ASTN2: variants seen among roughly 807,000 people sequenced by gnomAD.
The protein encoded by ASTN2 is astrotactin-2.
In ASTN2, 54 loss-of-function variants were observed where a neutral mutation model predicts 139.8. The ratio of observed to expected loss-of-function variants is 0.39; its 90% CI spans 0.31 to 0.48. ASTN2 has a LOEUF of 0.48. Among genes scored for constraint, ASTN2 ranks in the 20% least tolerant of loss-of-function variants. ASTN2 has a pLI of 0.95. For synonymous variants in ASTN2, 756 were observed against 719.5 expected (o/e 1.05, Z -0.81); for missense variants, 1,565 against 1,725.1 (o/e 0.91, Z 1.64).
chr9:116,618,566 A>G (rs1769124793), intron 18 of ASTN2, 94 bp from the exon 19 acceptor site: 2 of 1,400,004 alleles, frequency 1.4e-6, no homozygotes, highest in Non-Finnish European at 1.9e-6. Context: ...CATAGGTTTC[A>G]GTCTGAATTT....
intron 20 of ASTN2, among the ~76,000 whole-genome samples, chr9:116,471,007 C>T (rs1848795098): frequency 6.6e-6 from 1 of 152,120 alleles, no homozygotes; most frequent in Non-Finnish European, 1.5e-5. Context: ...AATGAAAAAT[C>T]TCTGGGGTTT....
chr9:117,355,569 G>A (rs1829518065), intron 1 of ASTN2, among the ~76,000 whole-genome samples: 1 of 152,152 alleles, frequency 6.6e-6, no homozygotes, highest in African/African-American at 2.4e-5. Flanking sequence ...AAGGCAGAAG[G>A]TGGGAGTGGA....
chr9:116,712,714 G>T (rs1051470659), intron 16 of ASTN2, among the ~76,000 whole-genome samples: 1 of 152,172 alleles, frequency 6.6e-6, no homozygotes, highest in Non-Finnish European at 1.5e-5. Flanking sequence ...TAAAATAATT[G>T]AAAGTTGCGT....
chr9:116,913,471 T>C (rs1012140695), intron 10 of ASTN2, among the ~76,000 whole-genome samples: 1 of 152,180 alleles, frequency 6.6e-6, no homozygotes, highest in African/African-American at 2.4e-5. Flanking sequence ...CTGATTCCCA[T>C]GAAACCCCGC....
intron 10 of ASTN2, among the ~76,000 whole-genome samples, chr9:116,945,074 T>C (rs1462812917): frequency 6.6e-6 from 1 of 152,122 alleles, no homozygotes; most frequent in Non-Finnish European, 1.5e-5. Flanking sequence ...TCAAAATGAC[T>C]CCGTTCAAGG....
At chr9:117,394,525 T>A (rs1419081699) in intron 1 of ASTN2, among the ~76,000 whole-genome samples, 1 of 151,990 alleles carries the variant, frequency 6.6e-6, no homozygotes, top group Non-Finnish European at 1.5e-5. Context: ...GTGTCCTGAA[T>A]AAAGTTAATC....
intron 16 of ASTN2, among the ~76,000 whole-genome samples, chr9:116,677,838 T>G (rs1004822855): frequency 6.6e-6 from 1 of 152,216 alleles, no homozygotes; most frequent in Non-Finnish European, 1.5e-5. Context: ...AAAGGCATGC[T>G]TTCCTGGCCC....
chr9:116,907,279 T>G (rs1834187753), intron 10 of ASTN2, among the ~76,000 whole-genome samples: 5 of 152,188 alleles, frequency 3.3e-5, no homozygotes, highest in Admixed American at 3.3e-4. Context: ...CAGAGCTGGG[T>G]AGTGAATTTC....
chr9:116,901,626 G>T (rs539502848), intron 10 of ASTN2, among the ~76,000 whole-genome samples: 1 of 152,272 alleles, frequency 6.6e-6, no homozygotes, highest in South Asian at 2.1e-4. Flanking sequence ...CAATTAATGT[G>T]CAGTATATAA....
At chr9:116,857,425 C>T (rs2132331719) in intron 11 of ASTN2, among the ~76,000 whole-genome samples, 1 of 152,320 alleles carries the variant, frequency 6.6e-6, no homozygotes, top group Non-Finnish European at 1.5e-5. Flanking sequence ...CTGCTGAAGT[C>T]TGTCTTGTCT....
At chr9:116,475,175 C>T (rs1442427800) in intron 20 of ASTN2, among the ~76,000 whole-genome samples, 1 of 152,184 alleles carries the variant, frequency 6.6e-6, no homozygotes, top group Admixed American at 6.5e-5. Context: ...GGAGGTTTCA[C>T]ATAAACATCT....
chr9:116,820,881 T>C (rs1831467354), intron 11 of ASTN2, 98 bp from the exon 12 acceptor site: 3 of 1,271,416 alleles, frequency 2.4e-6, no homozygotes, highest in South Asian at 1.6e-5. Flanking sequence ...TGTCAGGGCC[T>C]GACAGAAAGG....
At chr9:116,961,405 A>C (rs1344656730) in intron 10 of ASTN2, among the ~76,000 whole-genome samples, 1 of 152,004 alleles carries the variant, frequency 6.6e-6, no homozygotes, top group African/African-American at 2.4e-5. Flanking sequence ...CGCAACCACT[A>C]TTCTACTTTC....
At chr9:117,090,977 C>T (rs1251448737) in intron 5 of ASTN2, among the ~76,000 whole-genome samples, 2 of 152,226 alleles carry the variant, frequency 1.3e-5, no homozygotes, top group African/African-American at 4.8e-5. Context: ...AGATGGCACA[C>T]AGGACAGTCA....
chr9:116,827,084 C>A (rs945548862), intron 11 of ASTN2, among the ~76,000 whole-genome samples: 1 of 151,718 alleles, frequency 6.6e-6, no homozygotes, highest in Non-Finnish European at 1.5e-5. Flanking sequence ...CTGAGGTGGG[C>A]GGATCACCTA....
intron 19 of ASTN2, among the ~76,000 whole-genome samples, chr9:116,605,921 G>A (rs574913018): frequency 6.6e-6 from 1 of 152,138 alleles, no homozygotes. Context: ...TTCTAGCTCT[G>A]GCTGTACCAG....
chr9:116,590,736 G>A (rs1854345809), intron 19 of ASTN2, among the ~76,000 whole-genome samples: 1 of 152,144 alleles, frequency 6.6e-6, no homozygotes, highest in African/African-American at 2.4e-5. Context: ...CCTCCTCCCT[G>A]AAGCCCATAA....
At chr9:117,178,942 C>G (rs551844311) in intron 3 of ASTN2, among the ~76,000 whole-genome samples, 1 of 152,336 alleles carries the variant, frequency 6.6e-6, no homozygotes, top group South Asian at 2.1e-4. Flanking sequence ...CCCTCCAGCC[C>G]TCTCATAGCC....
intron 19 of ASTN2, among the ~76,000 whole-genome samples, chr9:116,506,853 G>A: frequency 6.6e-6 from 1 of 152,176 alleles, no homozygotes; most frequent in East Asian, 1.9e-4. Context: ...GAGGGGAAAG[G>A]AACCTGGGCT....
Sources: allele counts gnomAD v4.1 joint callset (sites outside exome capture counted in the v4.1 genomes callset), GRCh38; gene constraint gnomAD v4.1.1; transcripts MANE v1.5; gene names NCBI Gene and HGNC (gene_info 2026-07-23, HGNC 2026-07-21).